CPNE4: variants seen among roughly 807,000 people sequenced by gnomAD.
The protein encoded by CPNE4 is copine 4.
Under a neutral mutation model 67.9 loss-of-function variants are expected in CPNE4, and 25 were observed. The observed-to-expected ratio is 0.37, with a 90% CI of 0.27 to 0.51. The LOEUF (loss-of-function observed/expected upper bound fraction) is 0.51. CPNE4 is among the 20% of genes least tolerant of loss of function. The pLI is 0.93. For synonymous variants in CPNE4, 242 were observed against 244.9 expected, an observed-to-expected ratio of 0.99 and a Z score of 0.11; for missense variants, 464 against 690.8, an observed-to-expected ratio of 0.67 and a Z score of 3.68.
chr3:131,958,692 T>C (rs1365522550), intron 1 of CPNE4, among the ~76,000 whole-genome samples: 1 of 144,120 alleles, frequency 6.9e-6, no homozygotes, highest in African/African-American at 2.6e-5. Flanking sequence ...TGGCACGATC[T>C]TGGCTCACTG....
At chr3:131,930,516 T>C (rs770179780) in intron 1 of CPNE4, among the ~76,000 whole-genome samples, 6 of 152,240 alleles carry the variant, frequency 3.9e-5, no homozygotes, top group East Asian at 1.9e-4. Context: ...AGATGTATAA[T>C]TGTGATAATA....
chr3:131,750,245 C>T (rs1560235917), intron 2 of CPNE4, among the ~76,000 whole-genome samples: 1 of 152,108 alleles, frequency 6.6e-6, no homozygotes, highest in Non-Finnish European at 1.5e-5. Context: ...GAGCATATAA[C>T]TGGGTAGTGT....
chr3:131,961,531 C>T (rs940559798), intron 1 of CPNE4, among the ~76,000 whole-genome samples: 3 of 152,092 alleles, frequency 2.0e-5, no homozygotes, highest in African/African-American at 4.8e-5. Flanking sequence ...TTCTGTGACC[C>T]GAATGGTCAG....
chr3:131,970,555 GT>G (rs901309057), intron 1 of CPNE4, among the ~76,000 whole-genome samples: 1 of 152,078 alleles, frequency 6.6e-6, no homozygotes, highest in Middle Eastern at 3.2e-3. Flanking sequence ...AATTTATATA[GT>G]TTTTTTAAAT....
chr3:131,757,174 A>G (rs2082771117), intron 2 of CPNE4, among the ~76,000 whole-genome samples: 1 of 152,240 alleles, frequency 6.6e-6, no homozygotes, highest in Non-Finnish European at 1.5e-5. Flanking sequence ...GAACTGGGTA[A>G]CAGGCAGAGA....
At position 131,771,550 on chromosome 3, in the gene CPNE4, A is replaced by G. The variant is rs1414392138; in HGVS notation, c.181-47925T>C. ...CCCCTCTTGCTTCTTCTCTCGCCAT[A>G]TGATTTGCACACACCCAGTCCCCTT... On this transcript the variant is annotated intron_variant, in intron 2 of 15. Transcript: ENST00000429747. Among the ~76,000 whole-genome samples, 6 of 152,072 alleles carry G rather than the reference A, an allele frequency of 3.9e-5. No individual in the cohort carries two copies. The East Asian group carries it at 1.2e-3, about 29-fold the overall frequency.
intron 1 of CPNE4, among the ~76,000 whole-genome samples, chr3:132,008,507 C>A (rs1310241956): frequency 2.6e-5 from 4 of 152,166 alleles, no homozygotes; most frequent in African/African-American, 4.8e-5. Context: ...GCTTTACATG[C>A]AGGAAGTGAC....
Position 131,746,713 on chromosome 3 carries a change from A to C in CPNE4, c.181-23088T>G, listed in dbSNP as rs142852922. ...TTTATTCCATATCTTGGCTACTGTG[A>C]ATAGTATGGCAATAGAGATAGGAGT... On this transcript the variant is annotated intron_variant, in intron 2 of 15. Coordinates refer to ENST00000429747, the MANE Select transcript of CPNE4 (RefSeq NM_130808.3). Among the ~76,000 whole-genome samples, 85 of 152,298 alleles carry C rather than the reference A, an allele frequency of 5.6e-4. 2 individuals are homozygous for C. The East Asian group carries it at 9.8e-3, about 18-fold the overall frequency.
intron 2 of CPNE4, among the ~76,000 whole-genome samples, chr3:131,873,868 T>C (rs565689164): frequency 8.5e-5 from 13 of 152,156 alleles, no homozygotes; most frequent in Non-Finnish European, 7.4e-5. Flanking sequence ...TCTTGTCTCC[T>C]TTCTCAGGCC....
At chr3:131,752,107 A>G (rs1014222980) in intron 2 of CPNE4, among the ~76,000 whole-genome samples, 3 of 152,144 alleles carry the variant, frequency 2.0e-5, no homozygotes, top group East Asian at 1.9e-4. Context: ...CACATTTACC[A>G]TGTGATCTTT....
chr3:131,603,462 C>T (rs1939322614), intron 7 of CPNE4, among the ~76,000 whole-genome samples: 1 of 152,132 alleles, frequency 6.6e-6, no homozygotes, highest in Non-Finnish European at 1.5e-5. Flanking sequence ...ATGCAAGAAT[C>T]TTGGAGCACT....
chr3:132,003,251 G>A (rs1009237805), intron 1 of CPNE4, among the ~76,000 whole-genome samples: 1 of 152,036 alleles, frequency 6.6e-6, no homozygotes, highest in Non-Finnish European at 1.5e-5. Flanking sequence ...TGCCTCTTTA[G>A]CAAAACTATG....
intron 7 of CPNE4, among the ~76,000 whole-genome samples, chr3:131,588,407 T>C (rs1938321194): frequency 6.6e-6 from 1 of 152,132 alleles, no homozygotes; most frequent in South Asian, 2.1e-4. Flanking sequence ...TTAGATATCA[T>C]TGCTACATCT....
At chr3:131,654,690 G>A (rs1008402718) in intron 7 of CPNE4, among the ~76,000 whole-genome samples, 2 of 152,140 alleles carry the variant, frequency 1.3e-5, no homozygotes, top group African/African-American at 2.4e-5. Context: ...AACTCAGGAA[G>A]GCATGCGATG....
chr3:131,641,880 A>G (rs1052745927), intron 7 of CPNE4, among the ~76,000 whole-genome samples: 5 of 152,260 alleles, frequency 3.3e-5, no homozygotes, highest in Non-Finnish European at 7.3e-5. Flanking sequence ...ATTGGAGGCT[A>G]TCATTCGAAG....
chr3:131,900,658 G>A (rs533686134), intron 2 of CPNE4, among the ~76,000 whole-genome samples: 2 of 152,194 alleles, frequency 1.3e-5, no homozygotes, highest in East Asian at 3.9e-4. Flanking sequence ...ACATGCTGGG[G>A]TTAAATAGCT....
At chr3:131,672,613 A>G (rs1051133289) in intron 6 of CPNE4, among the ~76,000 whole-genome samples, 2 of 151,892 alleles carry the variant, frequency 1.3e-5, no homozygotes, top group African/African-American at 2.4e-5. Flanking sequence ...TCACATATCT[A>G]TTTGCCATCT....
intron 2 of CPNE4, among the ~76,000 whole-genome samples, chr3:131,841,278 G>T (rs1034550034): frequency 1.3e-5 from 2 of 152,140 alleles, no homozygotes; most frequent in African/African-American, 2.4e-5. Flanking sequence ...TTCTAAATAG[G>T]AAAAGAGCAC....
intron 1 of CPNE4, among the ~76,000 whole-genome samples, chr3:132,016,632 C>A (rs547516719): frequency 1.3e-5 from 2 of 152,198 alleles, no homozygotes; most frequent in South Asian, 2.1e-4. Flanking sequence ...AAGACCACTG[C>A]ACTTTTACTT....
Sources: gnomAD v4.1 joint callset for allele counts (sites outside exome capture counted in the v4.1 genomes callset) on GRCh38, gnomAD v4.1.1 for gene constraint, MANE v1.5 for transcripts, NCBI Gene and HGNC (gene_info 2026-07-23, HGNC 2026-07-21) for gene names.